Variants in ZFHX4 observed in about 807,000 individuals in gnomAD.
ZFHX4 encodes zinc finger homeobox protein 4.
ZFHX4 carries 56 observed loss-of-function variants against 267.6 expected under a neutral mutation model. The observed-to-expected ratio is 0.21, with a 90% CI of 0.17 to 0.26. ZFHX4 has a LOEUF of 0.26. Ranked by LOEUF, ZFHX4 falls within the 10% of genes least tolerant of loss-of-function variation. The pLI is 1.00. For synonymous variants in ZFHX4, 1,778 were observed against 1,665.6 expected, an observed-to-expected ratio of 1.07 and a Z score of -1.64; for missense variants, 4,332 against 4,420.0, an observed-to-expected ratio of 0.98 and a Z score of 0.56.
intron 1 of ZFHX4, among the ~76,000 whole-genome samples, chr8:76,702,999 G>C (rs1808143709): frequency 6.6e-6 from 1 of 151,070 alleles, no homozygotes; most frequent in Admixed American, 6.6e-5. Flanking sequence ...CAAACGAAGA[G>C]AATGAGACTT....
chr8:76,791,772 C>T (rs1007311458), intron 4 of ZFHX4, among the ~76,000 whole-genome samples: 2 of 152,064 alleles, frequency 1.3e-5, no homozygotes, highest in African/African-American at 4.8e-5. Context: ...TTATCTGTAA[C>T]TTTTAAAATT....
At chr8:76,777,543 C>G (rs1810430534) in intron 3 of ZFHX4, among the ~76,000 whole-genome samples, 2 of 152,080 alleles carry the variant, frequency 1.3e-5, no homozygotes, top group Admixed American at 1.3e-4. Flanking sequence ...TAAGTTTATT[C>G]CATGCATGCA....
At chr8:76,684,985 G>A (rs1807655522) in intron 1 of ZFHX4, among the ~76,000 whole-genome samples, 1 of 152,178 alleles carries the variant, frequency 6.6e-6, no homozygotes. Context: ...TGAGAATTGA[G>A]GTGGTTTTGT....
At chr8:76,720,558 A>G (rs569786206) in intron 3 of ZFHX4, among the ~76,000 whole-genome samples, 2 of 152,278 alleles carry the variant, frequency 1.3e-5, no homozygotes, top group African/African-American at 4.8e-5. Flanking sequence ...ATTGACAGTC[A>G]ATAATATTAA....
In ZFHX4 at chr8:76,778,042, G is replaced by A. The variant is rs146393240; in HGVS notation, c.3094-166G>A. ...CACATTATTTTAAATGTATCTGCAC[G>A]GAATTAATTCACTTTTCAGGTGGTA... is the stretch of plus-strand genomic sequence containing the variant. On this transcript the variant is annotated intron_variant, in intron 3 of 10. Transcript: ENST00000651372. Among the ~76,000 whole-genome samples, 410 of 152,004 alleles carry A rather than the reference G, an allele frequency of 2.7e-3. 1 individual carries two copies. The highest frequency in any genetic ancestry group is 9.5e-3 in the African/African-American group (392 of 41,440).
rs61729528 is a variant in ZFHX4, at chr8:76,854,327, C to T, written c.7406C>T (p.Pro2469Leu). The change falls in exon 10 of 11, where the codon CCG becomes CTG. Residue 2469 changes from proline to leucine, a missense_variant. By Grantham distance (98) the Pro-to-Leu change is moderately conservative. Coordinates refer to ENST00000651372, the MANE Select transcript of ZFHX4 (RefSeq NM_024721.5). ...IGRPPSASQT[P>L]VPSSPLQISM... ...AGACCTCCCTCGGCCTCTCAAACAC[C>T]GGTCCCTTCCAGTCCACTGCAAATT... 13,112 of 1,613,676 alleles carry T rather than the reference C, an allele frequency of 8.1e-3. 76 individuals are homozygous for T. Among genetic ancestry groups the T allele is most frequent in the South Asian group, 0.011 (990 of 91,050 alleles).
At chr8:76,756,165 T>A (rs1354698383) in intron 3 of ZFHX4, among the ~76,000 whole-genome samples, 1 of 152,208 alleles carries the variant, frequency 6.6e-6, no homozygotes, top group East Asian at 1.9e-4. Context: ...TGTAGGGACG[T>A]CGTCATGTCA....
intron 3 of ZFHX4, among the ~76,000 whole-genome samples, chr8:76,744,573 C>T (rs971396927): frequency 6.6e-6 from 1 of 151,814 alleles, no homozygotes; most frequent in Non-Finnish European, 1.5e-5. Context: ...CCATTATGCC[C>T]AGCTAATTTT....
At chr8:76,720,499 A>G (rs1358737289) in intron 3 of ZFHX4, among the ~76,000 whole-genome samples, 2 of 152,182 alleles carry the variant, frequency 1.3e-5, no homozygotes, top group African/African-American at 2.4e-5. Context: ...TTGTGTGGAC[A>G]TATGCTCTCT....
In ZFHX4 at chr8:76,867,226, A is replaced by C. The variant is rs1320466357; in HGVS notation, c.*2661A>C. Reference sequence around the variant, plus strand: ...TATTTGAACTTATTCTTCTGGAAATAGTTCATCAAGTATGTTTGTTGCTCA... The same window carrying C: ...TATTTGAACTTATTCTTCTGGAAATCGTTCATCAAGTATGTTTGTTGCTCA... On this transcript the variant is annotated 3_prime_UTR_variant, in exon 11 of 11. Transcript: ENST00000651372. 2.0e-5 allele frequency: 3 copies of C among 152,642 alleles called. No homozygotes were observed. The highest frequency in any genetic ancestry group is 4.4e-5 in the Non-Finnish European group (3 of 68,030). The allele number at this position is 152,642 out of a possible 1,614,324, so 9.5% of individuals were successfully genotyped here.
rs778544805 is a variant in ZFHX4 at position 76,850,949 on chromosome 8, T to C, written c.4028T>C (p.Val1343Ala). ...GAGGATTCAAAGGCTAATGTGGAAGTAAAGAATGAGGAGCAGAAACCGACT... is the reference window on the plus strand; with the variant it reads ...GAGGATTCAAAGGCTAATGTGGAAGCAAAGAATGAGGAGCAGAAACCGACT... ...GLEDSKANVE[V>A]KNEEQKPTKE... is the part of the protein sequence containing the mutation. Residue 1343 changes from valine (V) to alanine (A), a missense_variant, in exon 10 of 11, where the codon GTA becomes GCA. By Grantham distance (64) the Val-to-Ala change is moderately conservative. Transcript: ENST00000651372. 1 of 1,613,026 alleles carries C rather than the reference T, an allele frequency of 6.2e-7. No homozygotes were observed. The highest frequency in any genetic ancestry group is 2.2e-5 in the East Asian group (1 of 44,818).
chr8:76,778,509 AAAC>A, intron 4 of ZFHX4, 70 bp downstream of exon 4: 18 of 1,226,242 alleles, frequency 1.5e-5, no homozygotes, highest in South Asian at 2.5e-5. Context: ...ACACACACAC[AAAC>A]ACACACACAC....
Position 76,851,022 on chromosome 8 carries a change from T to C in ZFHX4, c.4101T>C (p.Asp1367=). ...VSEWNKNSSK[D]VKIPDTLQDQ... is the part of the protein sequence containing the mutation. ...AATGGAATAAAAATAGCAGTAAGGATGTGAAAATCCCCGACACACTGCAAG... is the reference window on the plus strand; with the variant it reads ...AATGGAATAAAAATAGCAGTAAGGACGTGAAAATCCCCGACACACTGCAAG... The change falls in exon 10 of 11, where the codon GAT becomes GAC. Residue 1367 remains aspartate (D), a synonymous_variant. Transcript: ENST00000651372. 1 of 1,613,844 alleles carries C rather than the reference T, an allele frequency of 6.2e-7. No individual in the cohort carries two copies. The highest frequency in any genetic ancestry group is 1.1e-5 in the South Asian group (1 of 91,068).
chr8:76,853,155 T>G lies in ZFHX4; in HGVS notation c.6234T>G (p.Phe2078Leu). Residue 2078 changes from phenylalanine (F) to leucine (L), a missense_variant, in exon 10 of 11, where the codon TTT (phenylalanine) becomes TTG (leucine). Phe to Leu is a conservative substitution (Grantham distance 22, BLOSUM62 0). Transcript: ENST00000651372. ...QLPVSLDLPL[F>L]PSIMMQPVQH... ...CGGTTTCTCTGGACCTGCCGCTCTT[T>G]CCTTCCATTATGATGCAACCTGTGC... 1 of 1,548,848 alleles carries G rather than the reference T, an allele frequency of 6.5e-7. No individual in the cohort carries two copies. The highest frequency in any genetic ancestry group is 1.2e-5 in the South Asian group (1 of 83,936).
intron 4 of ZFHX4, among the ~76,000 whole-genome samples, chr8:76,823,963 G>GT (rs1243218138): frequency 1.3e-5 from 2 of 152,130 alleles, no homozygotes; most frequent in African/African-American, 4.8e-5. Flanking sequence ...TTATTTATTT[G>GT]TTTTGCATGC....
intron 4 of ZFHX4, among the ~76,000 whole-genome samples, chr8:76,827,389 C>G (rs1025508290): frequency 6.6e-6 from 1 of 152,148 alleles, no homozygotes; most frequent in African/African-American, 2.4e-5. Context: ...AGCCACGGAC[C>G]AGGAGCGAGC....
At chr8:76,829,613 A>C (rs1352522935) in intron 4 of ZFHX4, among the ~76,000 whole-genome samples, 1 of 152,114 alleles carries the variant, frequency 6.6e-6, no homozygotes, top group Admixed American at 6.5e-5. Flanking sequence ...GTTCAAGACC[A>C]GTTTGGTCAA....
At chr8:76,845,379 T>G (rs1417742454) in intron 6 of ZFHX4, among the ~76,000 whole-genome samples, 2 of 152,064 alleles carry the variant, frequency 1.3e-5, no homozygotes, top group Admixed American at 6.6e-5. Context: ...GAAAATGTAA[T>G]ATGTCTCTGC....
At position 76,707,440 on chromosome 8, in the gene ZFHX4, G is replaced by T; in HGVS notation, c.2591-106G>T. ...CCTATTACAGCTTTTTATAGTTTAA[G>T]CTCTAGAGAAAGCACATTCCTTGTC... On this transcript the variant is annotated intron_variant, in intron 2 of 10. Transcript: ENST00000651372. The T allele has an allele frequency of 2.9e-6, 3 of 1,035,646 alleles. No homozygotes were observed. In the South Asian group the frequency reaches 5.5e-5, roughly 19 times the overall value. 64.2% of individuals were successfully genotyped at this position (1,035,646 alleles called of 1,614,324 possible).
Sources: allele counts gnomAD v4.1 joint callset (sites outside exome capture counted in the v4.1 genomes callset), GRCh38; gene constraint gnomAD v4.1.1; transcripts MANE v1.5; gene names NCBI Gene and HGNC (gene_info 2026-07-23, HGNC 2026-07-21).